MEA1: variants seen among roughly 807,000 people sequenced by gnomAD.
The protein encoded by MEA1 is Male-enhanced antigen (H-Y structural gene).
A neutral mutation model predicts 21.4 loss-of-function variants in MEA1; 22 were observed. The observed-to-expected ratio is 1.03, with a 90% CI of 0.73 to 1.47. MEA1 has a LOEUF of 1.47. Among genes scored for constraint, MEA1 ranks in the 40% most tolerant of loss-of-function variants. MEA1 has a pLI of 0.00. For synonymous variants in MEA1, 91 were observed against 85.5 expected (o/e 1.06, Z -0.35); for missense variants, 233 against 230.5 (o/e 1.01, Z -0.07).
In MEA1 at chr6:43,011,354, T is replaced by C; in HGVS notation, c.*1116A>G. On this transcript the variant is annotated 3_prime_UTR_variant, in exon 4 of 4. Coordinates refer to ENST00000244711, the MANE Select transcript of MEA1 (RefSeq NM_014623.4). ...GGGACACTGCCCTGGCCCTCCATAC[T>C]CTGCTCCCTACTGGCTGTCTTGGGG... 6.3e-7 allele frequency: 1 copy of C among 1,595,214 alleles called. No individual in the cohort carries two copies. Among genetic ancestry groups the C allele is most frequent in the Non-Finnish European group, 8.6e-7 (1 of 1,168,896 alleles).
At chr6:43,015,782 A>T (rs1247308838), upstream of MEA1, among the ~76,000 whole-genome samples, 1 of 139,064 alleles carries the variant, frequency 7.2e-6, no homozygotes, top group Non-Finnish European at 1.5e-5. Context: ...CCCGGGAGGG[A>T]GGCAGAGTTT....
At chr6:43,014,634 T>A, upstream of MEA1, 1 of 456,326 alleles carries the variant, frequency 2.2e-6, no homozygotes, top group South Asian at 1.5e-5. Context: ...GGGAGGGGTG[T>A]CTGGCGTGGT....
chr6:43,014,867 G>A (rs1412501358), upstream of MEA1, among the ~76,000 whole-genome samples: 1 of 152,126 alleles, frequency 6.6e-6, no homozygotes, highest in Admixed American at 6.5e-5. Flanking sequence ...AAATGCAAGA[G>A]ACCAGGCGGG....
intron 1 of MEA1, 198 bp downstream of exon 1, chr6:43,013,588 C>T (rs1325326648): frequency 2.5e-6 from 2 of 809,894 alleles, no homozygotes; most frequent in East Asian, 2.7e-5. Context: ...GAACCAGGCC[C>T]CACCAACTTG....
chr6:43,014,186 G>C (rs1304164304), upstream of MEA1: 4 of 1,386,426 alleles, frequency 2.9e-6, no homozygotes, highest in Admixed American at 5.8e-5. Context: ...AAATGCCTCC[G>C]GCACTTAGCT....
Position 43,011,406 on chromosome 6 carries a change from A to G in MEA1, c.*1064T>C, listed in dbSNP as rs1403267916. Reference sequence around the variant, plus strand: ...AAGGCAGCGCCTCTCTAGCTACTCAAGGGAGGGGGATGTGGGCACTTGAAG... The same window carrying G: ...AAGGCAGCGCCTCTCTAGCTACTCAGGGGAGGGGGATGTGGGCACTTGAAG... On this transcript the variant is annotated 3_prime_UTR_variant, in exon 4 of 4. Coordinates refer to ENST00000244711, the MANE Select transcript of MEA1 (RefSeq NM_014623.4). 65 of 1,362,452 alleles carry G rather than the reference A, an allele frequency of 4.8e-5. No homozygotes were observed. In the East Asian group the frequency reaches 1.6e-3, roughly 33 times the overall value. 84.4% of individuals were successfully genotyped at this position (1,362,452 alleles called of 1,614,324 possible).
rs535682027 is a variant in MEA1 at position 43,012,703 on chromosome 6, C to A, written c.407-82G>T. The A allele has an allele frequency of 1.2e-4, 176 of 1,476,350 alleles. No homozygotes were observed. The African/African-American group carries it at 2.4e-3, about 20-fold the overall frequency. The allele number at this position is 1,476,350 out of a possible 1,614,324, so 91.5% of individuals were successfully genotyped here. A position where few individuals can be genotyped will look rare whatever the true frequency, so the allele number is the denominator to read the frequency against. On this transcript the variant is annotated intron_variant, in intron 3 of 3. Transcript: ENST00000244711. ...CCCAATCCCCGAATCAACCCAGAGC[C>A]CTTGGGCTGCTAGGGTCACCAAATC...
At chr6:43,013,948 T>A (rs1581872025), upstream of MEA1, 2 of 1,445,386 alleles carry the variant, frequency 1.4e-6, no homozygotes, top group African/African-American at 1.5e-5. Context: ...CGTGCAGAGG[T>A]GCCTAGTCCT....
Position 43,012,501 on chromosome 6 carries a change from T to C in MEA1, c.527A>G (p.Gln176Arg). 2 of 1,606,150 alleles carry C rather than the reference T, an allele frequency of 1.2e-6. No homozygotes were observed. Among genetic ancestry groups the C allele is most frequent in the Non-Finnish European group, 1.7e-6 (2 of 1,177,446 alleles). Residue 176 changes from glutamine to arginine, a missense_variant, in exon 4 of 4, where the codon CAA becomes CGA. Physicochemically the swap from Gln to Arg is conservative, Grantham distance 43. Coordinates refer to ENST00000244711, the MANE Select transcript of MEA1 (RefSeq NM_014623.4). ...QWEDVVQKAL[Q>R]ARQASPAWK ...CCAGGCAGGGGATGCCTGCCGGGCT[T>C]GGAGGGCTTTCTGTACCACATCTTC...
At position 43,013,905 on chromosome 6, in the gene MEA1, G is replaced by C. The variant is rs918443022; in HGVS notation, c.-92C>G. On this transcript the variant is annotated 5_prime_UTR_variant, in exon 1 of 4. Coordinates refer to ENST00000244711, the MANE Select transcript of MEA1 (RefSeq NM_014623.4). The stretch of plus-strand genomic sequence containing the variant: ...TGTTCCCGCGCGCCTCACCCGCTCA[G>C]AGCCCGCGGCCTCCACTTCCGGCGG... 54 of 1,429,706 alleles carry C rather than the reference G, an allele frequency of 3.8e-5. No individual in the cohort carries two copies. In the South Asian group the frequency reaches 6.7e-4, roughly 18 times the overall value. The allele number at this position is 1,429,706 out of a possible 1,614,324, so 88.6% of individuals were successfully genotyped here.
rs377322516 is a variant in MEA1, at chr6:43,012,617, A to C, written c.411T>G (p.His137Gln). 4 of 1,595,846 alleles carry C rather than the reference A, an allele frequency of 2.5e-6. No homozygotes were observed. The South Asian group carries it at 4.5e-5, about 18-fold the overall frequency. ...NHSSIPMDPE[H>Q]VELVKRTMAG... is the part of the protein sequence containing the mutation. ...CCATTGTCCTTTTCACCAGCTCTAC[A>C]TGTTCTGAAATCAGAGCCAGAGGCC... Residue 137 changes from histidine to glutamine, a missense_variant, in exon 4 of 4, where the codon CAT becomes CAG. His to Gln is a conservative substitution (Grantham distance 24). Coordinates refer to ENST00000244711, the MANE Select transcript of MEA1 (RefSeq NM_014623.4).
chr6:43,013,458 C>A lies in MEA1; in HGVS notation c.29-69G>T, dbSNP rs1762450408. The stretch of plus-strand genomic sequence containing the variant: ...AGGCCCATCTTCATCCTCTCATCAT[C>A]TCCTTGTAGTCTCCTGCGTGCAAAA... On this transcript the variant is annotated intron_variant, in intron 1 of 3. Coordinates refer to ENST00000244711, the MANE Select transcript of MEA1 (RefSeq NM_014623.4). 4 of 1,537,044 alleles carry A rather than the reference C, an allele frequency of 2.6e-6. No homozygotes were observed. The South Asian group carries it at 4.8e-5, about 19-fold the overall frequency.
In MEA1 at chr6:43,013,282, T is replaced by C. The variant is rs746483506; in HGVS notation, c.136A>G (p.Thr46Ala). The C allele has an allele frequency of 1.2e-6, 2 of 1,614,154 alleles. No individual in the cohort carries two copies. The highest frequency in any genetic ancestry group is 4.5e-5 in the East Asian group (2 of 44,872). Residue 46 changes from threonine (T) to alanine (A), a missense_variant, in exon 2 of 4, where the codon ACT (threonine) becomes GCT (alanine). Thr to Ala is a moderately conservative substitution (Grantham distance 58). Transcript: ENST00000244711. The stretch of plus-strand genomic sequence containing the variant: ...GGCTCCTCACTGCTCCAATCCCCAG[T>C]GCCTTCTGAAGGGCCCTGATGTCCC... ...ELGHQGPSEG[T>A]GDWSSEEPEE...
At chr6:43,014,498 G>C (rs1223391986), upstream of MEA1, 1 of 485,924 alleles carries the variant, frequency 2.1e-6, no homozygotes. Context: ...GTGTTAATGG[G>C]GAAAGCAGGG....
Position 43,013,925 on chromosome 6 carries a change from C to A in MEA1, c.-112G>T. On this transcript the variant is annotated 5_prime_UTR_variant, in exon 1 of 4. Coordinates refer to ENST00000244711, the MANE Select transcript of MEA1 (RefSeq NM_014623.4). ...GCTCAGAGCCCGCGGCCTCCACTTC[C>A]GGCGGGGCAGGACGTGCAGAGGTGC... is the stretch of plus-strand genomic sequence containing the variant. 6.8e-7 allele frequency: 1 copy of A among 1,478,930 alleles called. No homozygotes were observed. The allele number at this position is 1,478,930 out of a possible 1,614,324, so 91.6% of individuals were successfully genotyped here. A position where few individuals can be genotyped will look rare whatever the true frequency, so the allele number is the denominator to read the frequency against.
chr6:43,012,588 C>T lies in MEA1; in HGVS notation c.440G>A (p.Gly147Glu), dbSNP rs1274093489. Residue 147 changes from glycine to glutamate, a missense_variant, in exon 4 of 4, where the codon GGA becomes GAA. Physicochemically the swap from Gly to Glu is moderately conservative, Grantham distance 98. Coordinates refer to ENST00000244711, the MANE Select transcript of MEA1 (RefSeq NM_014623.4). ...HVELVKRTMA[G>E]VSLPAPGVPA... ...AACCCCTGGCGCAGGCAGGCTTACT[C>T]CAGCCATTGTCCTTTTCACCAGCTC... The T allele has an allele frequency of 1.9e-6, 3 of 1,610,510 alleles. No homozygotes were observed. Among genetic ancestry groups the T allele is most frequent in the Admixed American group, 1.7e-5 (1 of 58,920 alleles).
At chr6:43,016,155 C>T (rs983628695), upstream of MEA1, among the ~76,000 whole-genome samples, 17 of 152,028 alleles carry the variant, frequency 1.1e-4, no homozygotes, top group Admixed American at 1.3e-4. Flanking sequence ...GGATGGTCTC[C>T]GTCTCTTGAT....
intron 1 of MEA1, 175 bp from the exon 2 acceptor site, chr6:43,013,564 G>A (rs916936025): frequency 7.1e-6 from 6 of 846,732 alleles, no homozygotes; most frequent in Non-Finnish European, 9.1e-6. Flanking sequence ...CTCCTAAGTC[G>A]GGGTTCTTAT....
chr6:43,014,243 G>C, upstream of MEA1: 1 of 1,093,156 alleles, frequency 9.1e-7, no homozygotes, highest in Non-Finnish European at 1.3e-6. Flanking sequence ...AACCGAGCTT[G>C]GCTGTGTTTA....
Sources: gnomAD v4.1 joint callset for allele counts (sites outside exome capture counted in the v4.1 genomes callset) on GRCh38, gnomAD v4.1.1 for gene constraint, MANE v1.5 for transcripts, NCBI Gene and HGNC (gene_info 2026-07-23, HGNC 2026-07-21) for gene names.